Variants in TMEM53 observed in about 807,000 individuals in gnomAD.
TMEM53 encodes transmembrane protein 53, also known as novel DUF829 domain-containing protein.
TMEM53 carries 14 observed loss-of-function variants against 21.4 expected under a neutral mutation model. The ratio of observed to expected loss-of-function variants is 0.65; its 90% confidence interval spans 0.43 to 1.02. The LOEUF is 1.02. TMEM53 is among the 50% of genes least tolerant of loss of function. The pLI is 0.00. For synonymous variants in TMEM53, 148 were observed against 157.4 expected (o/e 0.94, Z 0.45); for missense variants, 323 against 383.6 (o/e 0.84, Z 1.32).
intron 2 of TMEM53, among the ~76,000 whole-genome samples, chr1:44,658,714 G>A (rs1644872024): frequency 6.6e-6 from 1 of 152,056 alleles, no homozygotes; most frequent in Non-Finnish European, 1.5e-5. Flanking sequence ...ACCATGCCTG[G>A]CTAATTTTTG....
intron 2 of TMEM53, 92 bp downstream of exon 2, chr1:44,660,082 T>C: frequency 2.0e-6 from 3 of 1,473,594 alleles, no homozygotes; most frequent in Non-Finnish European, 2.7e-6. Flanking sequence ...GGTCTCGAAC[T>C]CTAGAGGCTG....
At chr1:44,669,924 G>C (rs565293907) in intron 1 of TMEM53, among the ~76,000 whole-genome samples, 113 of 151,338 alleles carry the variant, frequency 7.5e-4, no homozygotes, top group African/African-American at 2.6e-3. Context: ...TCAGCCTCCT[G>C]AGTAGCTGAG....
chr1:44,668,957 C>A (rs2148537393), intron 1 of TMEM53, among the ~76,000 whole-genome samples: 1 of 152,312 alleles, frequency 6.6e-6, no homozygotes, highest in South Asian at 2.1e-4. Flanking sequence ...GCCTCTGCCA[C>A]TTAATAACTA....
At chr1:44,674,221 C>G in intron 1 of TMEM53, 110 bp downstream of exon 1, 2 of 1,456,434 alleles carry the variant, frequency 1.4e-6, no homozygotes, top group Non-Finnish European at 1.8e-6. Context: ...TATGAGGGGG[C>G]GGCCCGAGGG....
intron 1 of TMEM53, among the ~76,000 whole-genome samples, chr1:44,668,334 C>T (rs1027112441): frequency 1.3e-5 from 2 of 151,854 alleles, no homozygotes; most frequent in Admixed American, 6.6e-5. Flanking sequence ...CCAGCTACTC[C>T]GGAGGCTGAG....
At chr1:44,669,726 C>T (rs986625336) in intron 1 of TMEM53, among the ~76,000 whole-genome samples, 1 of 151,530 alleles carries the variant, frequency 6.6e-6, no homozygotes, top group African/African-American at 2.4e-5. Context: ...TGCAAAGAGG[C>T]CTGGATCTCA....
chr1:44,667,774 G>A (rs1291169263), intron 1 of TMEM53, among the ~76,000 whole-genome samples: 1 of 152,034 alleles, frequency 6.6e-6, no homozygotes. Flanking sequence ...CAGGGGAGGT[G>A]GTCCAGCAGA....
intron 1 of TMEM53, among the ~76,000 whole-genome samples, chr1:44,665,066 G>A (rs747714099): frequency 6.4e-4 from 98 of 151,962 alleles, no homozygotes; most frequent in Non-Finnish European, 1.0e-3. Flanking sequence ...CTTCCTTGAC[G>A]CCCTCCCCAA....
At position 44,660,206 on chromosome 1, in the gene TMEM53, G is replaced by A; in HGVS notation, c.151C>T (p.Leu51Phe). The A allele has an allele frequency of 6.2e-7, 1 of 1,614,136 alleles. No homozygotes were observed. The highest frequency in any genetic ancestry group is 8.5e-7 in the Non-Finnish European group (1 of 1,180,006). ...LGWGGCKDKN[L>F]AKYSAIYHKR... ...TGGTAGATGGCACTGTACTTGGCAAGGTTCTTGTCCTTGCAGCCACCCCAG... is the reference window on the plus strand; with the variant it reads ...TGGTAGATGGCACTGTACTTGGCAAAGTTCTTGTCCTTGCAGCCACCCCAG... Residue 51 changes from leucine (L) to phenylalanine (F), a missense_variant, in exon 2 of 3, where the codon CTT becomes TTT. Physicochemically the swap from Leu to Phe is conservative, Grantham distance 22. This residue lies in a region of TMEM53 where 269 missense variants were observed against 334.5 expected (regional missense o/e 0.80). Coordinates refer to ENST00000372237, the MANE Select transcript of TMEM53 (RefSeq NM_024587.4).
chr1:44,670,545 A>G (rs1026572284), intron 1 of TMEM53, among the ~76,000 whole-genome samples: 1 of 151,458 alleles, frequency 6.6e-6, no homozygotes, highest in East Asian at 1.9e-4. Flanking sequence ...GGGCTGCTCT[A>G]CTCTAGGAAG....
At chr1:44,660,657 C>A (rs145258636) in intron 1 of TMEM53, among the ~76,000 whole-genome samples, 1 of 151,998 alleles carries the variant, frequency 6.6e-6, no homozygotes, top group South Asian at 2.1e-4. Context: ...GTATGGCCTG[C>A]GAGCTAAACT....
intron 1 of TMEM53, among the ~76,000 whole-genome samples, chr1:44,668,534 TA>T (rs553587393): frequency 6.6e-6 from 1 of 152,206 alleles, no homozygotes; most frequent in Admixed American, 6.5e-5. Context: ...TTCCTATATT[TA>T]AATCAAATTT....
chr1:44,654,732 C>A lies in TMEM53; in HGVS notation c.661G>T (p.Glu221Ter). 1 of 1,614,100 alleles carries A rather than the reference C, an allele frequency of 6.2e-7. No homozygotes were observed. Among genetic ancestry groups the A allele is most frequent in the Non-Finnish European group, 8.5e-7 (1 of 1,180,028 alleles). ...PELYLYSRAD[E>*]VVLARDIERM... ...TCTATGTCTCTGGCCAGGACTACTT[C>A]GTCAGCCCTCGAGTAGAGGTAGAGC... Residue 221 changes from glutamate to a stop codon, truncating the protein, a stop_gained, in exon 3 of 3, where the codon GAA becomes TAA. Coordinates refer to ENST00000372237, the MANE Select transcript of TMEM53 (RefSeq NM_024587.4). LOFTEE classifies it high-confidence loss of function. The surrounding 1 kb of genome is among the most constrained non-coding windows in gnomAD (Gnocchi z 7.0).
At chr1:44,664,188 C>T (rs981414581) in intron 1 of TMEM53, among the ~76,000 whole-genome samples, 7 of 150,046 alleles carry the variant, frequency 4.7e-5, no homozygotes, top group Non-Finnish European at 8.9e-5. Flanking sequence ...TGGTAGCTCA[C>T]GCATGTAATC....
intron 2 of TMEM53, among the ~76,000 whole-genome samples, chr1:44,657,721 T>C (rs1357266534): frequency 6.6e-6 from 1 of 152,058 alleles, no homozygotes. Context: ...CAATTTTTTT[T>C]GTGGAGATCA....
At position 44,660,347 on chromosome 1, in the gene TMEM53, T is replaced by G. The variant is rs780058869; in HGVS notation, c.62-52A>C. 6 of 1,564,896 alleles carry G rather than the reference T, an allele frequency of 3.8e-6. No individual in the cohort carries two copies. The Admixed American group carries it at 8.9e-5, about 23-fold the overall frequency. ...ACCAGAGCTGGGGTGGGGGCGGGGG[T>G]GACTGCCCAATCCAGAGTCAGCAGC... On this transcript the variant is annotated intron_variant, in intron 1 of 2. Coordinates refer to ENST00000372237, the MANE Select transcript of TMEM53 (RefSeq NM_024587.4).
In TMEM53 at chr1:44,654,506, G is replaced by A; in HGVS notation, c.*53C>T. 3.2e-6 allele frequency: 5 copies of A among 1,560,120 alleles called. No homozygotes were observed. Among genetic ancestry groups the A allele is most frequent in the Non-Finnish European group, 4.4e-6 (5 of 1,147,254 alleles). ...GAGTGCCCGACAGATTGCAGGTTGT[G>A]GGGAGGTGTCAGGCATTTATTTCTG... On this transcript the variant is annotated 3_prime_UTR_variant, in exon 3 of 3. Transcript: ENST00000372237. This position sits in a 1 kb window ranked among gnomAD's most constrained non-coding sequence, Gnocchi z 7.0.
At chr1:44,662,677 T>A (rs1365851800) in intron 1 of TMEM53, among the ~76,000 whole-genome samples, 1 of 151,462 alleles carries the variant, frequency 6.6e-6, no homozygotes, top group East Asian at 1.9e-4. Context: ...AGGCTCCCCC[T>A]CCCCTGCCTA....
chr1:44,670,197 C>A (rs1644987121), intron 1 of TMEM53, among the ~76,000 whole-genome samples: 1 of 103,294 alleles, frequency 9.7e-6, no homozygotes, highest in African/African-American at 4.5e-5. Context: ...CCTTTGGGGT[C>A]CTCGTAGACA....
Sources: gnomAD v4.1 joint callset for allele counts (sites outside exome capture counted in the v4.1 genomes callset) on GRCh38, gnomAD v4.1.1 for gene constraint, gnomAD v4.1.1 regional missense constraint, Gnocchi (gnomAD v3.1) non-coding constraint, MANE v1.5 for transcripts, NCBI Gene and HGNC (gene_info 2026-07-23, HGNC 2026-07-21) for gene names.